The following ANKRD29 variants were observed in gnomAD, a reference collection of about 807,000 sequenced individuals.
The protein encoded by ANKRD29 is ankyrin repeat domain-containing protein 29.
A neutral mutation model predicts 38.0 loss-of-function variants in ANKRD29; 32 were observed. The ratio of observed to expected loss-of-function variants is 0.84; its 90% CI spans 0.64 to 1.13. The LOEUF is 1.13. Among genes scored for constraint, ANKRD29 ranks in the 50% most tolerant of loss-of-function variants. The pLI is 0.00. For synonymous variants in ANKRD29, 135 were observed against 152.4 expected, an observed-to-expected ratio of 0.89 and a Z score of 0.84; for missense variants, 357 against 377.9, an observed-to-expected ratio of 0.94 and a Z score of 0.46.
intron 6 of ANKRD29, among the ~76,000 whole-genome samples, chr18:23,623,646 A>G (rs1401410861): frequency 2.0e-5 from 3 of 150,752 alleles, no homozygotes; most frequent in African/African-American, 7.4e-5. Flanking sequence ...ATGATTTCAT[A>G]TGTTTTTTTT....
At chr18:23,605,411 A>C (rs2059563193) in intron 9 of ANKRD29, among the ~76,000 whole-genome samples, 1 of 152,018 alleles carries the variant, frequency 6.6e-6, no homozygotes, top group Non-Finnish European at 1.5e-5. Context: ...TATGTTGCCC[A>C]GGCTGGTCTT....
chr18:23,652,977 T>C (rs887124945), intron 1 of ANKRD29, among the ~76,000 whole-genome samples: 10 of 152,246 alleles, frequency 6.6e-5, no homozygotes, highest in African/African-American at 1.7e-4. Context: ...ATTTTTTTAC[T>C]GTACTTTTCT....
At chr18:23,630,030 G>A (rs1359876963) in intron 5 of ANKRD29, 79 bp from the exon 6 acceptor site, 1 of 1,172,696 alleles carries the variant, frequency 8.5e-7, no homozygotes, top group Non-Finnish European at 1.2e-6. Flanking sequence ...GGGTGCAGTG[G>A]CTCATGCCTG....
rs1652364 is a variant in ANKRD29, at chr18:23,600,399, A to G, written c.*827T>C. The G allele has an allele frequency of 0.97, 147,642 of 152,332 alleles. 71,572 individuals are homozygous for G. Among genetic ancestry groups the G allele is most frequent in the East Asian group, 1 (5,182 of 5,184 alleles). The allele number at this position is 152,332 out of a possible 1,614,324, so 9.4% of individuals were successfully genotyped here. ...CAGCATGTTAGGTATACTTACTTAT[A>G]GAATAGGAAATAGATTCCCAACAAT... On this transcript the variant is annotated 3_prime_UTR_variant, in exon 10 of 10. Transcript: ENST00000592179.
Position 23,634,052 on chromosome 18 carries a change from T to TAAA in ANKRD29, c.425_427dup (p.Leu142_Tyr143insPhe). The TAAA allele has an allele frequency of 6.2e-7, 1 of 1,614,100 alleles. No homozygotes were observed. The highest frequency in any genetic ancestry group is 1.1e-5 in the South Asian group (1 of 91,086). ...AATGTCCCCCTGAAATGCACTCACA[T>TAAA]AAAGTTGGTCATGGATGTTTGCTCC... On this transcript the variant is annotated inframe_insertion and splice_region_variant, in exon 5 of 10. Coordinates refer to ENST00000592179, the MANE Select transcript of ANKRD29 (RefSeq NM_173505.4).
chr18:23,644,806 C>T (rs765245240), intron 3 of ANKRD29, among the ~76,000 whole-genome samples: 3 of 152,298 alleles, frequency 2.0e-5, no homozygotes, highest in Admixed American at 6.5e-5. Flanking sequence ...TGGGCTTAAA[C>T]GAGCCTCTAG....
intron 1 of ANKRD29, 72 bp downstream of exon 1, chr18:23,662,637 AC>A: frequency 1.6e-5 from 1 of 61,826 alleles, no homozygotes; most frequent in Non-Finnish European, 2.7e-5. Context: ...ACCCCATCCC[AC>A]CCCACCCGAC....
intron 6 of ANKRD29, among the ~76,000 whole-genome samples, chr18:23,627,465 G>A (rs1598489278): frequency 6.6e-6 from 1 of 152,144 alleles, no homozygotes; most frequent in East Asian, 1.9e-4. Context: ...TAACTCTTGA[G>A]GAAGAAAAAA....
At chr18:23,655,903 C>G (rs2060274332) in intron 1 of ANKRD29, among the ~76,000 whole-genome samples, 1 of 149,520 alleles carries the variant, frequency 6.7e-6, no homozygotes, top group Admixed American at 6.6e-5. Context: ...ACCATCCCGG[C>G]TAAAACGGTG....
At chr18:23,622,721 C>A (rs534326258) in intron 6 of ANKRD29, among the ~76,000 whole-genome samples, 1 of 152,200 alleles carries the variant, frequency 6.6e-6, no homozygotes, top group East Asian at 1.9e-4. Flanking sequence ...CATGCACCAC[C>A]ACACCCGGCT....
chr18:23,610,910 G>T (rs2059633260), intron 9 of ANKRD29, among the ~76,000 whole-genome samples: 1 of 152,164 alleles, frequency 6.6e-6, no homozygotes, highest in African/African-American at 2.4e-5. Flanking sequence ...GAACTCCTGG[G>T]CTCAAGCAAT....
At chr18:23,632,910 C>T (rs2059952322) in intron 5 of ANKRD29, among the ~76,000 whole-genome samples, 2 of 152,116 alleles carry the variant, frequency 1.3e-5, no homozygotes, top group African/African-American at 2.4e-5. Flanking sequence ...ACCATGTAAA[C>T]TCTGGAAAGG....
chr18:23,630,686 T>A (rs1381955495), intron 5 of ANKRD29, among the ~76,000 whole-genome samples: 2 of 151,864 alleles, frequency 1.3e-5, no homozygotes, highest in Non-Finnish European at 2.9e-5. Context: ...TCCATCTCCA[T>A]CTCTTTGTAG....
At chr18:23,639,574 G>A (rs563531585) in intron 3 of ANKRD29, among the ~76,000 whole-genome samples, 223 of 142,142 alleles carry the variant, frequency 1.6e-3, no homozygotes, top group African/African-American at 5.4e-3. Context: ...CTCTGTCACC[G>A]AGGCTGGATG....
At position 23,646,182 on chromosome 18, in the gene ANKRD29, G is replaced by A. The variant is rs772134246; in HGVS notation, c.231+7C>T. On this transcript the variant is annotated splice_region_variant and intron_variant, in intron 3 of 9. Coordinates refer to ENST00000592179, the MANE Select transcript of ANKRD29 (RefSeq NM_173505.4). The stretch of plus-strand genomic sequence containing the variant: ...TCATTTTTCTTCAAGTGCAAAGCCT[G>A]ACCTACCTCTCTCTGGAGATTGATG... 1 of 1,613,778 alleles carries A rather than the reference G, an allele frequency of 6.2e-7. No homozygotes were observed.
At chr18:23,624,340 G>T (rs906164635) in intron 6 of ANKRD29, among the ~76,000 whole-genome samples, 8 of 151,726 alleles carry the variant, frequency 5.3e-5, no homozygotes, top group East Asian at 3.9e-4. Context: ...GGTGGTGCAT[G>T]CCTGTAGTCC....
At chr18:23,636,802 G>C (rs890810970) in intron 4 of ANKRD29, among the ~76,000 whole-genome samples, 1 of 152,110 alleles carries the variant, frequency 6.6e-6, no homozygotes, top group African/African-American at 2.4e-5. Context: ...TTGAACTCCT[G>C]GGCTCAAGCG....
At chr18:23,652,833 T>C (rs1352744805) in intron 1 of ANKRD29, among the ~76,000 whole-genome samples, 1 of 152,238 alleles carries the variant, frequency 6.6e-6, no homozygotes, top group Non-Finnish European at 1.5e-5. Flanking sequence ...TCTTGCTCTG[T>C]ATCAGGCAGT....
chr18:23,655,004 A>G (rs1011200132), intron 1 of ANKRD29, among the ~76,000 whole-genome samples: 36 of 152,220 alleles, frequency 2.4e-4, no homozygotes, highest in Admixed American at 6.5e-5. Flanking sequence ...ATGAATTTCT[A>G]TGATATTAGA....
Sources: allele counts gnomAD v4.1 joint callset (sites outside exome capture counted in the v4.1 genomes callset), GRCh38; gene constraint gnomAD v4.1.1; transcripts MANE v1.5; gene names NCBI Gene and HGNC (gene_info 2026-07-23, HGNC 2026-07-21).